The following MAP4K3 variants were observed in gnomAD, a reference collection of about 807,000 sequenced individuals.
MAP4K3 encodes mitogen-activated protein kinase kinase kinase kinase 3, also known as MAPK/ERK kinase kinase kinase 3.
Under a neutral mutation model 143.5 loss-of-function variants are expected in MAP4K3, and 94 were observed. The ratio of observed to expected loss-of-function variants is 0.65; its 90% confidence interval spans 0.55 to 0.78. MAP4K3 has a LOEUF of 0.78. MAP4K3 is among the 30% of genes least tolerant of loss of function. The pLI is 0.00. For missense variants in MAP4K3, 1,077 were observed against 1,068.1 expected (o/e 1.01, Z -0.12); for synonymous variants, 416 against 347.2 (o/e 1.20, Z -2.20).
chr2:39,372,207 A>G lies in MAP4K3; in HGVS notation c.154+5859T>C, dbSNP rs183205065. On this transcript the variant is annotated intron_variant, in intron 2 of 33. Coordinates refer to ENST00000263881, the MANE Select transcript of MAP4K3 (RefSeq NM_003618.4). ...ACAATAGCTACAAATAAAATAAAAT[A>G]AAACACCTAGGAATTAACCAAAAAA... Among the ~76,000 whole-genome samples the G allele has an allele frequency of 8.1e-4, 123 of 151,730 alleles. 1 individual carries two copies. The highest frequency in any genetic ancestry group is 2.8e-3 in the African/African-American group (114 of 41,446).
At chr2:39,258,128 C>T (rs1680419843) in intron 31 of MAP4K3, among the ~76,000 whole-genome samples, 1 of 152,094 alleles carries the variant, frequency 6.6e-6, no homozygotes, top group Admixed American at 6.5e-5. Flanking sequence ...CACGGGGTTT[C>T]ACCATGTTGG....
Position 39,425,622 on chromosome 2 carries a change from T to C in MAP4K3, c.96+11270A>G, listed in dbSNP as rs1665043732. Reference sequence around the variant, plus strand: ...CAGAAAGAGAGCATCACTAGAAACCTGGCATCTTGATCTTGAATGTCTAGC... The same window carrying C: ...CAGAAAGAGAGCATCACTAGAAACCCGGCATCTTGATCTTGAATGTCTAGC... On this transcript the variant is annotated intron_variant, in intron 1 of 33. Coordinates refer to ENST00000263881, the MANE Select transcript of MAP4K3 (RefSeq NM_003618.4). Among the ~76,000 whole-genome samples the C allele has an allele frequency of 2.0e-5, 3 of 152,176 alleles. No homozygotes were observed. The South Asian group carries it at 6.2e-4, about 32-fold the overall frequency.
intron 1 of MAP4K3, among the ~76,000 whole-genome samples, chr2:39,415,106 T>C (rs570580063): frequency 1.3e-5 from 2 of 152,218 alleles, no homozygotes; most frequent in Non-Finnish European, 2.9e-5. Flanking sequence ...GATTTTCTTT[T>C]CTGCAAAATG....
intron 33 of MAP4K3, among the ~76,000 whole-genome samples, 191 bp downstream of exon 33, chr2:39,251,639 C>T (rs1680158185): frequency 6.6e-6 from 1 of 152,188 alleles, no homozygotes; most frequent in Non-Finnish European, 1.5e-5. Context: ...CAGATCCATA[C>T]ATTCCTGTTA....
At chr2:39,344,428 T>C (rs1665227603) in intron 3 of MAP4K3, among the ~76,000 whole-genome samples, 1 of 152,250 alleles carries the variant, frequency 6.6e-6, no homozygotes, top group African/African-American at 2.4e-5. Flanking sequence ...AAAATATTTC[T>C]TGACATATGA....
intron 21 of MAP4K3, among the ~76,000 whole-genome samples, chr2:39,282,917 G>T (rs1317044911): frequency 6.6e-6 from 1 of 152,170 alleles, no homozygotes; most frequent in East Asian, 1.9e-4. Context: ...CTATCTGCAG[G>T]ATCTTTGCCT....
chr2:39,290,884 G>A (rs911772126), intron 18 of MAP4K3, among the ~76,000 whole-genome samples: 4 of 152,124 alleles, frequency 2.6e-5, no homozygotes, highest in South Asian at 2.1e-4. Context: ...TCCTACCATC[G>A]TGGTTAACAT....
intron 22 of MAP4K3, 35 bp downstream of exon 22, chr2:39,282,478 C>T (rs1202563192): frequency 1.3e-6 from 2 of 1,574,714 alleles, no homozygotes; most frequent in Non-Finnish European, 1.7e-6. Context: ...AGTGACTTAG[C>T]TTGAAACTTA....
At position 39,325,711 on chromosome 2, in the gene MAP4K3, T is replaced by A. The variant is rs74689215; in HGVS notation, c.807+19A>T. ...TATCTTTTGAAATATATATATATAT[T>A]TCAGGGCAAAAATAATACCTGTAAT... On this transcript the variant is annotated intron_variant, in intron 11 of 33. Coordinates refer to ENST00000263881, the MANE Select transcript of MAP4K3 (RefSeq NM_003618.4). 2,592 of 1,578,312 alleles carry A rather than the reference T, an allele frequency of 1.6e-3. 23 individuals are homozygous for A. The East Asian group carries it at 0.029, about 18-fold the overall frequency.
intron 30 of MAP4K3, 30 bp downstream of exon 30, chr2:39,258,489 A>G: frequency 1.3e-6 from 2 of 1,599,510 alleles, no homozygotes; most frequent in Non-Finnish European, 1.7e-6. Context: ...AAGTCTTATT[A>G]AAGTAAGACA....
chr2:39,401,272 T>A (rs1666945974), intron 1 of MAP4K3, among the ~76,000 whole-genome samples: 1 of 151,972 alleles, frequency 6.6e-6, no homozygotes, highest in Admixed American at 6.6e-5. Context: ...AATCCCCATA[T>A]CCTTGTGAGG....
intron 14 of MAP4K3, among the ~76,000 whole-genome samples, chr2:39,308,657 G>C (rs1682806936): frequency 6.6e-6 from 1 of 151,802 alleles, no homozygotes; most frequent in African/African-American, 2.4e-5. Context: ...TTTTTTTATT[G>C]TTCTATAGAA....
intron 12 of MAP4K3, among the ~76,000 whole-genome samples, chr2:39,317,329 T>C (rs1683146456): frequency 6.6e-6 from 1 of 151,962 alleles, no homozygotes; most frequent in African/African-American, 2.4e-5. Context: ...ACCTAGGAAA[T>C]ACCATTCCAG....
At chr2:39,409,366 G>C (rs77317462) in intron 1 of MAP4K3, among the ~76,000 whole-genome samples, 8,498 of 152,194 alleles carry the variant, frequency 0.056, 252 homozygotes, top group Middle Eastern at 0.11. Context: ...TCCACTACAT[G>C]GGGGGCTGGC....
intron 1 of MAP4K3, among the ~76,000 whole-genome samples, chr2:39,406,407 C>A (rs1041290506): frequency 6.6e-6 from 1 of 151,984 alleles, no homozygotes; most frequent in African/African-American, 2.4e-5. Flanking sequence ...CAGATTTAAC[C>A]CAAAGAAGAC....
At chr2:39,254,347 A>G in intron 32 of MAP4K3, 103 bp downstream of exon 32, 1 of 886,230 alleles carries the variant, frequency 1.1e-6, no homozygotes, top group Non-Finnish European at 1.8e-6. Flanking sequence ...AAGTATTAAT[A>G]AAGTTAGCCA....
intron 1 of MAP4K3, among the ~76,000 whole-genome samples, chr2:39,426,220 G>T (rs953558996): frequency 6.6e-6 from 1 of 152,072 alleles, no homozygotes; most frequent in Non-Finnish European, 1.5e-5. Context: ...CAAATGAGGG[G>T]CATTCTACAA....
At chr2:39,287,126 T>C (rs1002939380) in intron 20 of MAP4K3, among the ~76,000 whole-genome samples, 162 bp from the exon 21 acceptor site, 2 of 152,252 alleles carry the variant, frequency 1.3e-5, no homozygotes, top group African/African-American at 4.8e-5. Flanking sequence ...ACGTCATTTA[T>C]ATATATGTTC....
Position 39,437,137 on chromosome 2 carries a change from C to A in MAP4K3, c.-150G>T, listed in dbSNP as rs965824652. The A allele has an allele frequency of 1.6e-4, 76 of 476,310 alleles. No individual in the cohort carries two copies. The highest frequency in any genetic ancestry group is 2.1e-5 in the Non-Finnish European group (6 of 282,126). The allele number at this position is 476,310 out of a possible 1,614,324, so 29.5% of individuals were successfully genotyped here. A position where few individuals can be genotyped will look rare whatever the true frequency, so the allele number is the denominator to read the frequency against. The stretch of plus-strand genomic sequence containing the variant: ...CACGCTGCGGCCGCCGCCGCCGCCG[C>A]CGCTCCCCTCACGCCGCTGCGGACG... On this transcript the variant is annotated 5_prime_UTR_variant, in exon 1 of 34. Coordinates refer to ENST00000263881, the MANE Select transcript of MAP4K3 (RefSeq NM_003618.4).
Sources: gnomAD v4.1 joint callset for allele counts (sites outside exome capture counted in the v4.1 genomes callset) on GRCh38, gnomAD v4.1.1 for gene constraint, MANE v1.5 for transcripts, NCBI Gene and HGNC (gene_info 2026-07-23, HGNC 2026-07-21) for gene names.